The following SP4 variants were observed in gnomAD, a reference collection of about 807,000 sequenced individuals.
SP4 encodes Sp4 transcription factor, also known as transcription factor Sp4.
A neutral mutation model predicts 72.8 loss-of-function variants in SP4; 19 were observed. The ratio of observed to expected loss-of-function variants is 0.26; its 90% CI spans 0.18 to 0.38. The LOEUF is 0.38. Among genes scored for constraint, SP4 ranks in the 10% least tolerant of loss-of-function variants. The pLI, the probability that SP4 is intolerant of heterozygous loss-of-function variation, is 1.00. For missense variants in SP4, 1,008 were observed against 926.3 expected (o/e 1.09, Z -1.14); for synonymous variants, 395 against 333.1 (o/e 1.19, Z -2.02).
intron 3 of SP4, among the ~76,000 whole-genome samples, chr7:21,462,773 A>G (rs1013329019): frequency 2.6e-5 from 4 of 151,566 alleles, no homozygotes; most frequent in Non-Finnish European, 5.9e-5. Flanking sequence ...AAAAGTGAGA[A>G]CCATCAGAGA....
intron 3 of SP4, among the ~76,000 whole-genome samples, chr7:21,438,355 T>C (rs747820288): frequency 1.3e-5 from 2 of 152,198 alleles, no homozygotes; most frequent in Non-Finnish European, 2.9e-5. Context: ...TGATTAAGTC[T>C]TTAGGGATTT....
chr7:21,441,801 T>C (rs968333485), intron 3 of SP4, among the ~76,000 whole-genome samples: 6 of 152,098 alleles, frequency 3.9e-5, no homozygotes, highest in Admixed American at 1.3e-4. Context: ...GGTAAGGGAT[T>C]AGGTAAAAAC....
intron 3 of SP4, among the ~76,000 whole-genome samples, chr7:21,452,141 A>G (rs1049471765): frequency 1.3e-5 from 2 of 152,254 alleles, no homozygotes; most frequent in Admixed American, 6.5e-5. Context: ...CAGTAGTACC[A>G]TAGTTCTTGA....
intron 3 of SP4, among the ~76,000 whole-genome samples, chr7:21,446,327 G>T (rs945321411): frequency 6.6e-6 from 1 of 152,104 alleles, no homozygotes; most frequent in African/African-American, 2.4e-5. Flanking sequence ...CTTTAAAAAT[G>T]ATTCTTTGGC....
intron 3 of SP4, among the ~76,000 whole-genome samples, chr7:21,456,375 C>G (rs1186084824): frequency 6.6e-6 from 1 of 152,124 alleles, no homozygotes; most frequent in Admixed American, 6.5e-5. Context: ...GCTCGCAGAG[C>G]CAGGGTTCCG....
At chr7:21,432,839 T>TA (rs919281310) in intron 3 of SP4, among the ~76,000 whole-genome samples, 1 of 152,042 alleles carries the variant, frequency 6.6e-6, no homozygotes, top group African/African-American at 2.4e-5. Flanking sequence ...ACAAAAAATT[T>TA]AAAAAAATTA....
At chr7:21,478,285 T>C (rs1012093860) in intron 4 of SP4, among the ~76,000 whole-genome samples, 1 of 152,260 alleles carries the variant, frequency 6.6e-6, no homozygotes, top group Non-Finnish European at 1.5e-5. Flanking sequence ...TTTGGTTTTA[T>C]CCACCCACTG....
chr7:21,490,308 A>G (rs1310630973), intron 5 of SP4, among the ~76,000 whole-genome samples: 1 of 152,198 alleles, frequency 6.6e-6, no homozygotes, highest in Non-Finnish European at 1.5e-5. Flanking sequence ...AACCTCTTGT[A>G]TCTAACCAGA....
chr7:21,500,142 A>C (rs1781826868), intron 5 of SP4, among the ~76,000 whole-genome samples: 1 of 152,006 alleles, frequency 6.6e-6, no homozygotes, highest in Admixed American at 6.6e-5. Context: ...CAAAAGGAGC[A>C]TTTTTTTTCC....
intron 3 of SP4, among the ~76,000 whole-genome samples, chr7:21,450,137 T>C (rs1371239340): frequency 6.6e-6 from 1 of 152,198 alleles, no homozygotes; most frequent in Non-Finnish European, 1.5e-5. Context: ...TGGCTTTTGC[T>C]GTTAGATTTG....
At chr7:21,509,798 C>G (rs1459428736) in intron 5 of SP4, among the ~76,000 whole-genome samples, 1 of 152,040 alleles carries the variant, frequency 6.6e-6, no homozygotes, top group Non-Finnish European at 1.5e-5. Context: ...AGAAATTATC[C>G]AAATTGAATT....
chr7:21,434,824 T>G lies in SP4; in HGVS notation c.1678+3981T>G, dbSNP rs894677592. On this transcript the variant is annotated intron_variant, in intron 3 of 5. Coordinates refer to ENST00000222584, the MANE Select transcript of SP4 (RefSeq NM_003112.5). ...GTATGTCCATGTGTAATCATTTTTT[T>G]TTTTTTTTTAGCTCCCACTTGTAAG... is the stretch of plus-strand genomic sequence containing the variant. Among the ~76,000 whole-genome samples, 4 of 152,076 alleles carry G rather than the reference T, an allele frequency of 2.6e-5. No individual in the cohort carries two copies. In the East Asian group the frequency reaches 7.7e-4, roughly 29 times the overall value.
chr7:21,471,132 T>C (rs1278406599), intron 3 of SP4: 1 of 534,684 alleles, frequency 1.9e-6, no homozygotes, highest in Non-Finnish European at 3.8e-6. Flanking sequence ...AGAGTGGGCA[T>C]GGAGCAGGAG....
chr7:21,511,260 A>G lies in SP4; in HGVS notation c.2346A>G (p.Glu782=), dbSNP rs1387850220. The G allele has an allele frequency of 9.3e-6, 15 of 1,613,770 alleles. No individual in the cohort carries two copies. Among genetic ancestry groups the G allele is most frequent in the Non-Finnish European group, 1.2e-5 (14 of 1,179,848 alleles). Residue 782 remains glutamate (E), a synonymous_variant, in exon 6 of 6, where the codon GAA becomes GAG. Coordinates refer to ENST00000222584, the MANE Select transcript of SP4 (RefSeq NM_003112.5). ...CTCCCAATGTTTCAACCAACATGGAAGAATTCTGAAAAGTTATTTATAACA... is the reference window on the plus strand; with the variant it reads ...CTCCCAATGTTTCAACCAACATGGAGGAATTCTGAAAAGTTATTTATAACA... ...PATPNVSTNM[E]EF is the part of the protein sequence containing the mutation.
At chr7:21,439,726 CGAAAAAA>C (rs1783176634) in intron 3 of SP4, among the ~76,000 whole-genome samples, 1 of 151,652 alleles carries the variant, frequency 6.6e-6, no homozygotes, top group Non-Finnish European at 1.5e-5. Context: ...TGTACCTCTA[CGAAAAAA>C]GGAAAAAGTA....
chr7:21,432,803 G>C (rs1022719671), intron 3 of SP4, among the ~76,000 whole-genome samples: 1 of 152,044 alleles, frequency 6.6e-6, no homozygotes, highest in Non-Finnish European at 1.5e-5. Context: ...AGACCAGCCT[G>C]GGCAACATAG....
At chr7:21,502,364 C>A (rs1781893051) in intron 5 of SP4, among the ~76,000 whole-genome samples, 1 of 152,096 alleles carries the variant, frequency 6.6e-6, no homozygotes, top group African/African-American at 2.4e-5. Context: ...AACTCTGCCC[C>A]CTGCCTGGAG....
At chr7:21,501,435 T>C (rs1433369173) in intron 5 of SP4, among the ~76,000 whole-genome samples, 1 of 152,236 alleles carries the variant, frequency 6.6e-6, no homozygotes, top group African/African-American at 2.4e-5. Flanking sequence ...ACTTTCTCCA[T>C]AGGAGATTGA....
At chr7:21,463,265 G>C (rs916831308) in intron 3 of SP4, among the ~76,000 whole-genome samples, 2 of 152,120 alleles carry the variant, frequency 1.3e-5, no homozygotes, top group African/African-American at 4.8e-5. Flanking sequence ...AAGGTGCAAG[G>C]AAAGGGGAAT....
Sources: gnomAD v4.1 joint callset for allele counts (sites outside exome capture counted in the v4.1 genomes callset) on GRCh38, gnomAD v4.1.1 for gene constraint, MANE v1.5 for transcripts, NCBI Gene and HGNC (gene_info 2026-07-23, HGNC 2026-07-21) for gene names.